The following RP2 variants were observed in gnomAD, a reference collection of about 807,000 sequenced individuals.
The protein encoded by RP2 is RP2 activator of ARL3 GTPase, also known as protein XRP2.
RP2 carries 3 observed loss-of-function variants against 20.3 expected under a neutral mutation model. The ratio of observed to expected loss-of-function variants is 0.15; its 90% CI spans 0.07 to 0.38. The LOEUF is 0.38. Ranked by LOEUF, RP2 falls within the 10% of genes least tolerant of loss-of-function variation. The pLI is 1.00. For synonymous variants in RP2, 75 were observed against 94.8 expected (o/e 0.79, Z 1.22); for missense variants, 233 against 268.5 (o/e 0.87, Z 0.92).
intron 3 of RP2, among the ~76,000 whole-genome samples, chrX:46,861,058 A>G (rs927991311): frequency 8.9e-6 from 1 of 111,837 alleles, no homozygotes; most frequent in Non-Finnish European, 1.9e-5. Flanking sequence ...GAATATATGT[A>G]GGAAATTCTG....
intron 4 of RP2, 112 bp downstream of exon 4, chrX:46,877,702 G>GA (rs1925393671): frequency 6.6e-6 from 3 of 456,395 alleles, no homozygotes; most frequent in African/African-American, 8.8e-5. Flanking sequence ...GGAATTTTTG[G>GA]GGTGTGTGTG....
chrX:46,862,378 T>C (rs1556320312), intron 3 of RP2, among the ~76,000 whole-genome samples: 1 of 91,555 alleles, frequency 1.1e-5, no homozygotes, highest in Non-Finnish European at 2.1e-5. Flanking sequence ...CAAAAAAAAA[T>C]GGCCGGGTGT....
chrX:46,879,490 A>C (rs1460644258), intron 4 of RP2, among the ~76,000 whole-genome samples, 196 bp from the exon 5 acceptor site: 1 of 111,171 alleles, frequency 9.0e-6, no homozygotes, highest in Non-Finnish European at 1.9e-5. Flanking sequence ...AAAGAGCTTA[A>C]TTTACATTAT....
chrX:46,844,027 C>T (rs1198942902), intron 1 of RP2, among the ~76,000 whole-genome samples: 2 of 111,495 alleles, frequency 1.8e-5, no homozygotes, highest in Non-Finnish European at 3.8e-5. Flanking sequence ...GAAAAGGTAT[C>T]AGAAAGCTGA....
At chrX:46,848,826 C>T (rs1262050519) in intron 1 of RP2, among the ~76,000 whole-genome samples, 4 of 108,441 alleles carry the variant, frequency 3.7e-5, no homozygotes, top group African/African-American at 6.7e-5. Context: ...TCCAGGAGTT[C>T]GAGACCAGCC....
intron 1 of RP2, among the ~76,000 whole-genome samples, chrX:46,846,770 T>C (rs2147078142): frequency 9.0e-6 from 1 of 111,416 alleles, no homozygotes; most frequent in South Asian, 3.7e-4. Context: ...GTCTCCCAGG[T>C]TGGAGTACAG....
At chrX:46,845,540 A>G (rs1483807316) in intron 1 of RP2, among the ~76,000 whole-genome samples, 1 of 111,684 alleles carries the variant, frequency 9.0e-6, no homozygotes, top group Non-Finnish European at 1.9e-5. Flanking sequence ...TCACCAATCA[A>G]GATATAAAAT....
At chrX:46,862,644 A>G (rs1925096519) in intron 3 of RP2, among the ~76,000 whole-genome samples, 1 of 111,819 alleles carries the variant, frequency 8.9e-6, no homozygotes, top group Admixed American at 9.5e-5. Flanking sequence ...TGGGCGACAG[A>G]GCAAGACTCT....
chrX:46,877,716 G>GTGTGTA, intron 4 of RP2, 126 bp downstream of exon 4: 1 of 409,237 alleles, frequency 2.4e-6, no homozygotes, highest in South Asian at 5.3e-5. Context: ...GTGTGTGTGT[G>GTGTGTA]TGTGTGTGTG....
intron 3 of RP2, among the ~76,000 whole-genome samples, chrX:46,862,723 G>A (rs1331402168): frequency 2.7e-5 from 3 of 112,126 alleles, no homozygotes; most frequent in Non-Finnish European, 5.6e-5. Flanking sequence ...CTAATTCAAA[G>A]GGGAAGTGTA....
intron 1 of RP2, among the ~76,000 whole-genome samples, chrX:46,847,836 A>ATGTGTGTATATATGTGTATATATG (rs1556317070): frequency 1.0e-3 from 103 of 98,815 alleles, no homozygotes; most frequent in African/African-American, 3.6e-3. Context: ...ATGTGTATAT[A>ATGTGTGTATATATGTGTATATATG]TGTGTGTATA....
intron 1 of RP2, among the ~76,000 whole-genome samples, chrX:46,843,777 A>G (rs1176534769): frequency 8.9e-6 from 1 of 111,807 alleles, no homozygotes; most frequent in African/African-American, 3.3e-5. Context: ...CGAATCATCA[A>G]TAGTATATAA....
chrX:46,847,470 C>T (rs782254046), intron 1 of RP2, among the ~76,000 whole-genome samples: 3 of 106,182 alleles, frequency 2.8e-5, no homozygotes, highest in Non-Finnish European at 5.8e-5. Flanking sequence ...CTTGCTGTGT[C>T]GCCAGGTTGG....
chrX:46,869,283 T>C (rs919306626), intron 3 of RP2, among the ~76,000 whole-genome samples: 1 of 104,402 alleles, frequency 9.6e-6, no homozygotes, highest in African/African-American at 3.8e-5. Flanking sequence ...AAAGGAATTA[T>C]GTCAGTTGTA....
intron 1 of RP2, among the ~76,000 whole-genome samples, chrX:46,846,563 G>T (rs957193035): frequency 3.6e-5 from 4 of 110,174 alleles, no homozygotes; most frequent in Non-Finnish European, 7.6e-5. Context: ...CTCCAGTGTG[G>T]GCAACAGAGC....
intron 1 of RP2, among the ~76,000 whole-genome samples, chrX:46,842,016 G>A (rs1461895521): frequency 1.8e-5 from 2 of 111,837 alleles, no homozygotes; most frequent in African/African-American, 6.5e-5. Flanking sequence ...GGATTCAAGC[G>A]ATTCTCTCAC....
chrX:46,859,514 TAAAC>T (rs1304964524), intron 2 of RP2, among the ~76,000 whole-genome samples: 2 of 105,747 alleles, frequency 1.9e-5, no homozygotes, highest in Non-Finnish European at 3.9e-5. Context: ...GAAAGAAAAA[TAAAC>T]AAATAAAAGT....
At chrX:46,866,818 G>T (rs1224266948) in intron 3 of RP2, among the ~76,000 whole-genome samples, 1 of 111,440 alleles carries the variant, frequency 9.0e-6, no homozygotes, top group Non-Finnish European at 1.9e-5. Context: ...CATTCAGTTG[G>T]CATGAGTTTT....
intron 3 of RP2, among the ~76,000 whole-genome samples, chrX:46,864,375 C>G (rs1458663257): frequency 1.0e-5 from 1 of 97,047 alleles, no homozygotes; most frequent in East Asian, 3.2e-4. Flanking sequence ...GAGACAGGGT[C>G]TCACTGTGTT....
Sources: gnomAD v4.1 joint callset for allele counts (sites outside exome capture counted in the v4.1 genomes callset) on GRCh38, gnomAD v4.1.1 for gene constraint, MANE v1.5 for transcripts, NCBI Gene and HGNC (gene_info 2026-07-23, HGNC 2026-07-21) for gene names.